UBR3: variants seen among roughly 807,000 people sequenced by gnomAD.
The protein encoded by UBR3 is E3 ubiquitin-protein ligase UBR3.
In UBR3, 85 loss-of-function variants were observed where a neutral mutation model predicts 243.2. The ratio of observed to expected loss-of-function variants is 0.35; its 90% CI spans 0.29 to 0.42. The LOEUF (loss-of-function observed/expected upper bound fraction) is 0.42. UBR3 is among the 10% of genes least tolerant of loss of function. The pLI is 1.00. For synonymous variants in UBR3, 748 were observed against 799.8 expected (o/e 0.94, Z 1.09); for missense variants, 1,686 against 2,300.8 (o/e 0.73, Z 5.47).
At chr2:169,868,998 C>G (rs774071330) in intron 1 of UBR3, among the ~76,000 whole-genome samples, 3 of 152,096 alleles carry the variant, frequency 2.0e-5, no homozygotes, top group Non-Finnish European at 4.4e-5. Context: ...GTCTCACATT[C>G]TCCATTTGTC....
chr2:169,883,258 C>T (rs1435427270), intron 5 of UBR3, among the ~76,000 whole-genome samples: 1 of 152,134 alleles, frequency 6.6e-6, no homozygotes, highest in Non-Finnish European at 1.5e-5. Flanking sequence ...ATAGTTGATG[C>T]TGACCATCCG....
At chr2:169,865,507 T>C (rs908789323) in intron 1 of UBR3, among the ~76,000 whole-genome samples, 1 of 152,220 alleles carries the variant, frequency 6.6e-6, no homozygotes, top group Non-Finnish European at 1.5e-5. Flanking sequence ...GTCTCAAAAT[T>C]ACTTAGACCA....
intron 10 of UBR3, 58 bp downstream of exon 10, chr2:169,906,222 T>C (rs2085003981): frequency 6.7e-6 from 10 of 1,500,500 alleles, no homozygotes; most frequent in African/African-American, 1.4e-5. Context: ...TGTGAAAATA[T>C]TGGTTTGTTC....
chr2:169,873,005 C>A (rs2083481212), intron 2 of UBR3, among the ~76,000 whole-genome samples: 1 of 152,076 alleles, frequency 6.6e-6, no homozygotes, highest in East Asian at 1.9e-4. Flanking sequence ...AGTTCTCAGT[C>A]TGACATTGTC....
chr2:170,042,452 G>A (rs1476835255), intron 32 of UBR3, among the ~76,000 whole-genome samples: 1 of 151,954 alleles, frequency 6.6e-6, no homozygotes, highest in African/African-American at 2.4e-5. Context: ...TTTGTTTGAG[G>A]CCAAGTGTGA....
intron 8 of UBR3, among the ~76,000 whole-genome samples, chr2:169,898,037 A>G (rs147829507): frequency 6.6e-6 from 1 of 152,308 alleles, no homozygotes; most frequent in African/African-American, 2.4e-5. Context: ...AACTCTTACT[A>G]TTCTTAACCT....
chr2:169,969,742 G>C (rs1419496075), intron 24 of UBR3, among the ~76,000 whole-genome samples: 2 of 148,530 alleles, frequency 1.3e-5, no homozygotes, highest in Admixed American at 1.3e-4. Flanking sequence ...GTAGAGATGG[G>C]GTTTCACTGT....
Position 169,980,652 on chromosome 2 carries a change from A to G in UBR3, c.3635-5993A>G, listed in dbSNP as rs527591768. ...TTAATTATACTTTAAGTTTTAGGGT[A>G]CATGTGCACAAAGTGCAGGTTAGTT... On this transcript the variant is annotated intron_variant, in intron 24 of 38. Coordinates refer to ENST00000272793, the MANE Select transcript of UBR3 (RefSeq NM_172070.4). 5.9e-5 allele frequency among the ~76,000 whole-genome samples: 9 copies of G among 151,686 alleles called. No individual in the cohort carries two copies. In the South Asian group the frequency reaches 1.0e-3, roughly 18 times the overall value.
chr2:169,957,471 C>T (rs2087357444), intron 23 of UBR3, among the ~76,000 whole-genome samples: 1 of 149,960 alleles, frequency 6.7e-6, no homozygotes, highest in African/African-American at 2.5e-5. Context: ...GACAAAAAAC[C>T]AAACACTGCA....
intron 24 of UBR3, among the ~76,000 whole-genome samples, chr2:169,968,028 T>C (rs928725299): frequency 6.6e-6 from 1 of 151,990 alleles, no homozygotes. Flanking sequence ...GATCCTACCA[T>C]GCAGTGTGTA....
intron 23 of UBR3, among the ~76,000 whole-genome samples, chr2:169,954,213 GTCTTGTCTTGTCTTC>G (rs1033214595): frequency 6.7e-6 from 1 of 148,736 alleles, no homozygotes; most frequent in Non-Finnish European, 1.5e-5. Flanking sequence ...GTCTTGTCTT[GTCTTGTCTTGTCTTC>G]TCTTCTTAAT....
chr2:169,877,706 T>G, intron 4 of UBR3, 69 bp downstream of exon 4: 1 of 1,419,842 alleles, frequency 7.0e-7, no homozygotes, highest in Non-Finnish European at 9.4e-7. Flanking sequence ...CCTCTCAAAC[T>G]TTACTCATTA....
At chr2:170,005,005 C>G (rs1253780647) in intron 27 of UBR3, among the ~76,000 whole-genome samples, 2 of 152,082 alleles carry the variant, frequency 1.3e-5, no homozygotes, top group Non-Finnish European at 2.9e-5. Flanking sequence ...GGATGGATCA[C>G]GAGGTCAGGA....
chr2:170,037,870 T>C (rs2090871160), intron 31 of UBR3, among the ~76,000 whole-genome samples: 1 of 152,172 alleles, frequency 6.6e-6, no homozygotes, highest in Non-Finnish European at 1.5e-5. Flanking sequence ...TATGCGTTCT[T>C]AGTAGTATAT....
chr2:170,034,182 A>G (rs1393011509), intron 31 of UBR3, among the ~76,000 whole-genome samples: 1 of 151,942 alleles, frequency 6.6e-6, no homozygotes, highest in Non-Finnish European at 1.5e-5. Context: ...TTGACATACT[A>G]TAATCACCCA....
Position 169,827,908 on chromosome 2 carries a change from G to A in UBR3, c.401G>A (p.Arg134Gln). The change falls in exon 1 of 39, where the codon CGG becomes CAG. Residue 134 changes from arginine (R) to glutamine (Q), a missense_variant. This residue lies in a region of UBR3 where 145 missense variants were observed against 243.8 expected (regional missense o/e 0.59). Transcript: ENST00000272793. ...WTANFVAYRC[R>Q]TCGISPCMSL... ...GCCAACTTCGTGGCCTACCGCTGCCGGACGTGCGGCATCTCGCCCTGCATG... is the reference window on the plus strand; with the variant it reads ...GCCAACTTCGTGGCCTACCGCTGCCAGACGTGCGGCATCTCGCCCTGCATG... The A allele has an allele frequency of 6.6e-7, 1 of 1,518,186 alleles. No homozygotes were observed. The highest frequency in any genetic ancestry group is 8.8e-7 in the Non-Finnish European group (1 of 1,136,390). The allele number at this position is 1,518,186 out of a possible 1,614,324, so 94.0% of individuals were successfully genotyped here. A position where few individuals can be genotyped will look rare whatever the true frequency, so the allele number is the denominator to read the frequency against.
At chr2:170,030,493 A>G (rs1177407335) in intron 31 of UBR3, among the ~76,000 whole-genome samples, 1 of 151,992 alleles carries the variant, frequency 6.6e-6, no homozygotes, top group East Asian at 1.9e-4. Context: ...CACAGTTTTC[A>G]TTTTATTTCT....
At chr2:169,859,908 G>A (rs933010224) in intron 1 of UBR3, among the ~76,000 whole-genome samples, 4 of 151,992 alleles carry the variant, frequency 2.6e-5, no homozygotes, top group Non-Finnish European at 4.4e-5. Context: ...TAGTGGAGAC[G>A]GGGTTTCACC....
intron 32 of UBR3, among the ~76,000 whole-genome samples, chr2:170,045,964 ATT>A (rs71006066): frequency 1.5e-4 from 18 of 117,936 alleles, no homozygotes; most frequent in African/African-American, 2.2e-4. Flanking sequence ...CTTCTTGTAA[ATT>A]TTTTTTTTTT....
Sources: allele counts gnomAD v4.1 joint callset (sites outside exome capture counted in the v4.1 genomes callset), GRCh38; gene constraint gnomAD v4.1.1; regional missense constraint gnomAD v4.1.1; transcripts MANE v1.5; gene names NCBI Gene and HGNC (gene_info 2026-07-23, HGNC 2026-07-21).